Variants in UBE2O observed in about 807,000 individuals in gnomAD.
The protein encoded by UBE2O is (E3-independent) E2 ubiquitin-conjugating enzyme.
Under a neutral mutation model 125.8 loss-of-function variants are expected in UBE2O, and 15 were observed. That is an observed-to-expected ratio of 0.12 (90% CI 0.08 to 0.18). The LOEUF is 0.18. Among genes scored for constraint, UBE2O ranks in the 10% least tolerant of loss-of-function variants. The pLI, the probability that UBE2O is intolerant of heterozygous loss-of-function variation, is 1.00. For synonymous variants in UBE2O, 708 were observed against 703.2 expected, an observed-to-expected ratio of 1.01 and a Z score of -0.11; for missense variants, 1,280 against 1,723.6, an observed-to-expected ratio of 0.74 and a Z score of 4.56.
At position 76,398,407 on chromosome 17, in the gene UBE2O, T is replaced by A. The variant is rs765492413; in HGVS notation, c.1897-24A>T. On this transcript the variant is annotated intron_variant, in intron 11 of 17. Transcript: ENST00000319380. This position sits in a 1 kb window ranked among gnomAD's most constrained non-coding sequence, Gnocchi z 5.4. ...AGCTGTGGCACAGGACAGGTTGTCA[T>A]GAGCTAGGGGTCCTACACCCAACCC... 2.4e-5 allele frequency: 38 copies of A among 1,613,990 alleles called. No homozygotes were observed. Among genetic ancestry groups the A allele is most frequent in the Admixed American group, 3.3e-5 (2 of 59,998 alleles).
At position 76,405,017 on chromosome 17, in the gene UBE2O, C is replaced by T. The variant is rs890294825; in HGVS notation, c.588+189G>A. ...GTTGGGGAAGGGCACGTCCTGACCTCATGTCTAAATGGCTTACTTGAAAGC... is the reference window on the plus strand; with the variant it reads ...GTTGGGGAAGGGCACGTCCTGACCTTATGTCTAAATGGCTTACTTGAAAGC... On this transcript the variant is annotated intron_variant, in intron 3 of 17. Coordinates refer to ENST00000319380, the MANE Select transcript of UBE2O (RefSeq NM_022066.4). This position sits in a 1 kb window ranked among gnomAD's most constrained non-coding sequence, Gnocchi z 6.1. Among the ~76,000 whole-genome samples the T allele has an allele frequency of 3.9e-5, 6 of 152,158 alleles. No individual in the cohort carries two copies. The highest frequency in any genetic ancestry group is 1.4e-4 in the African/African-American group (6 of 41,438).
chr17:76,408,875 G>A (rs2072468652), intron 1 of UBE2O, among the ~76,000 whole-genome samples: 1 of 152,164 alleles, frequency 6.6e-6, no homozygotes. Context: ...TTACTAGGAG[G>A]GGATCTGGGG....
chr17:76,443,566 G>C (rs1199729416), intron 1 of UBE2O, among the ~76,000 whole-genome samples: 1 of 151,622 alleles, frequency 6.6e-6, no homozygotes, highest in African/African-American at 2.4e-5. Context: ...TGGGATTACA[G>C]GCGTGAGCCA....
chr17:76,435,167 T>C (rs772009310), intron 1 of UBE2O, among the ~76,000 whole-genome samples: 3 of 152,128 alleles, frequency 2.0e-5, no homozygotes, highest in Non-Finnish European at 4.4e-5. Flanking sequence ...AGATCCAGGT[T>C]TGTCTGAATC....
At position 76,396,650 on chromosome 17, in the gene UBE2O, G is replaced by A; in HGVS notation, c.2287C>T (p.Leu763=). Reference sequence around the variant, plus strand: ...TCCTCAGGGGCCACCGGCTGCTCCAGGGGTGGGATGGGGGGCTCCTCTATC... The same window carrying A: ...TCCTCAGGGGCCACCGGCTGCTCCAAGGGTGGGATGGGGGGCTCCTCTATC... The part of the protein sequence containing the change: ...PKIEEPPIPP[L]EQPVAPEDKG... Residue 763 remains leucine, a synonymous_variant, in exon 14 of 18, where the codon CTG becomes TTG. Coordinates refer to ENST00000319380, the MANE Select transcript of UBE2O (RefSeq NM_022066.4). This position sits in a 1 kb window ranked among gnomAD's most constrained non-coding sequence, Gnocchi z 6.7. 1 of 1,613,610 alleles carries A rather than the reference G, an allele frequency of 6.2e-7. No homozygotes were observed. The highest frequency in any genetic ancestry group is 1.1e-5 in the South Asian group (1 of 91,070).
At chr17:76,437,409 C>T (rs1243802556) in intron 1 of UBE2O, among the ~76,000 whole-genome samples, 3 of 144,258 alleles carry the variant, frequency 2.1e-5, no homozygotes, top group African/African-American at 5.2e-5. Flanking sequence ...AAGATCATGC[C>T]ACTGCACTCC....
intron 1 of UBE2O, among the ~76,000 whole-genome samples, chr17:76,432,968 C>T (rs930209956): frequency 6.6e-6 from 1 of 152,092 alleles, no homozygotes; most frequent in Non-Finnish European, 1.5e-5. Context: ...TGGAACCCAC[C>T]AACATTGCTG....
At position 76,405,468 on chromosome 17, in the gene UBE2O, T is replaced by C; in HGVS notation, c.477+45A>G. The C allele has an allele frequency of 6.4e-7, 1 of 1,573,486 alleles. No individual in the cohort carries two copies. The highest frequency in any genetic ancestry group is 1.2e-5 in the South Asian group (1 of 86,734). On this transcript the variant is annotated intron_variant, in intron 2 of 17. Transcript: ENST00000319380. This position sits in a 1 kb window ranked among gnomAD's most constrained non-coding sequence, Gnocchi z 6.1. ...GGTGGGCAGGCTCAAGTCCCTAAGG[T>C]GGCTGCCCCCAGGCCCGGGGCTGGG...
chr17:76,395,869 G>T lies in UBE2O; in HGVS notation c.2810-8C>A. On this transcript the variant is annotated splice_polypyrimidine_tract_variant and splice_region_variant and intron_variant, in intron 14 of 17. Transcript: ENST00000319380. This position sits in a 1 kb window ranked among gnomAD's most constrained non-coding sequence, Gnocchi z 5.0. ...TCTTAAAAGAATGATTTGCTAGAGG[G>T]GGGAAGAGAATAGTCAGTCCCTCAT... is the stretch of plus-strand genomic sequence containing the variant. 2.5e-6 allele frequency: 4 copies of T among 1,614,076 alleles called. No homozygotes were observed. Among genetic ancestry groups the T allele is most frequent in the African/African-American group, 2.7e-5 (2 of 75,042 alleles).
intron 1 of UBE2O, among the ~76,000 whole-genome samples, chr17:76,447,373 G>A (rs887232553): frequency 6.6e-5 from 10 of 152,222 alleles, no homozygotes; most frequent in Non-Finnish European, 1.2e-4. Flanking sequence ...TAGCACCACA[G>A]GGTTGTTGTG....
At position 76,405,432 on chromosome 17, in the gene UBE2O, G is replaced by A. The variant is rs1248428530; in HGVS notation, c.477+81C>T. 9.9e-6 allele frequency: 15 copies of A among 1,515,168 alleles called. No individual in the cohort carries two copies. The highest frequency in any genetic ancestry group is 1.4e-5 in the Non-Finnish European group (15 of 1,108,672). 93.9% of individuals were successfully genotyped at this position (1,515,168 alleles called of 1,614,324 possible). On this transcript the variant is annotated intron_variant, in intron 2 of 17. Transcript: ENST00000319380. The surrounding 1 kb of genome is among the most constrained non-coding windows in gnomAD (Gnocchi z 6.1). ...GCAGAGCTGGCCAGTTCTCCCACATGCAGAGTGCGAGGTGGGCAGGCTCAA... is the reference window on the plus strand; with the variant it reads ...GCAGAGCTGGCCAGTTCTCCCACATACAGAGTGCGAGGTGGGCAGGCTCAA...
intron 1 of UBE2O, among the ~76,000 whole-genome samples, chr17:76,450,626 T>C (rs2073225129): frequency 6.6e-6 from 1 of 152,018 alleles, no homozygotes; most frequent in Non-Finnish European, 1.5e-5. Context: ...TTGTTTTTTT[T>C]TTCTTTTCTT....
rs959821349 is a variant in UBE2O at position 76,449,865 on chromosome 17, A to G, written c.417+2860T>C. ...AACCCGGGAGGCAGAGGTTGCGGTG[A>G]GCCGAGCTGGCGCCATTGCACTCCA... On this transcript the variant is annotated intron_variant, in intron 1 of 17. Transcript: ENST00000319380. 3.9e-5 allele frequency among the ~76,000 whole-genome samples: 6 copies of G among 152,296 alleles called. No homozygotes were observed. The South Asian group carries it at 1.2e-3, about 32-fold the overall frequency.
At chr17:76,433,755 C>A (rs142843966) in intron 1 of UBE2O, among the ~76,000 whole-genome samples, 1 of 150,346 alleles carries the variant, frequency 6.7e-6, no homozygotes, top group African/African-American at 2.4e-5. Context: ...TCGGCCAGTG[C>A]GGTGGCCTGT....
In UBE2O at chr17:76,395,986, G is replaced by A; in HGVS notation, c.2810-125C>T. On this transcript the variant is annotated intron_variant, in intron 14 of 17. Coordinates refer to ENST00000319380, the MANE Select transcript of UBE2O (RefSeq NM_022066.4). This position sits in a 1 kb window ranked among gnomAD's most constrained non-coding sequence, Gnocchi z 5.0. ...TCGCCGCTGCTGGCCTCAGCACTGTGACCACACAGGGAAATGGTTTGCCCT... is the reference window on the plus strand; with the variant it reads ...TCGCCGCTGCTGGCCTCAGCACTGTAACCACACAGGGAAATGGTTTGCCCT... 6.6e-7 allele frequency: 1 copy of A among 1,511,356 alleles called. No individual in the cohort carries two copies. Among genetic ancestry groups the A allele is most frequent in the African/African-American group, 1.4e-5 (1 of 72,240 alleles). The allele number at this position is 1,511,356 out of a possible 1,614,324, so 93.6% of individuals were successfully genotyped here.
chr17:76,441,026 G>C (rs1219373683), intron 1 of UBE2O, among the ~76,000 whole-genome samples: 1 of 152,200 alleles, frequency 6.6e-6, no homozygotes, highest in Admixed American at 6.5e-5. Flanking sequence ...ACTGGCCTAA[G>C]TTTGAATTTG....
chr17:76,451,391 C>T (rs2073240016), intron 1 of UBE2O, among the ~76,000 whole-genome samples: 1 of 152,208 alleles, frequency 6.6e-6, no homozygotes, highest in Non-Finnish European at 1.5e-5. Context: ...GCCTGATTCA[C>T]ATTTCTCTGA....
Position 76,391,374 on chromosome 17 carries a change from C to T in UBE2O, c.3448G>A (p.Ala1150Thr), listed in dbSNP as rs34070229. The change falls in exon 18 of 18, where the codon GCC (alanine) becomes ACC (threonine). Residue 1150 changes from alanine (A) to threonine (T), a missense_variant. Coordinates refer to ENST00000319380, the MANE Select transcript of UBE2O (RefSeq NM_022066.4). This position sits in a 1 kb window ranked among gnomAD's most constrained non-coding sequence, Gnocchi z 8.4. ...NRIESWLETHALLEKAQALPN... is the reference protein window; with the variant it reads ...NRIESWLETHTLLEKAQALPN... ...AGTGCCTGGGCCTTCTCCAGCAGGGCATGGGTTTCCAGCCAGGACTCGATA... is the reference window on the plus strand; with the variant it reads ...AGTGCCTGGGCCTTCTCCAGCAGGGTATGGGTTTCCAGCCAGGACTCGATA... 0.012 allele frequency: 19,765 copies of T among 1,613,338 alleles called. 181 individuals are homozygous for T. The highest frequency in any genetic ancestry group is 0.019 in the Middle Eastern group (115 of 6,062).
At chr17:76,437,547 A>G (rs954668113) in intron 1 of UBE2O, among the ~76,000 whole-genome samples, 1 of 152,186 alleles carries the variant, frequency 6.6e-6, no homozygotes, top group African/African-American at 2.4e-5. Context: ...AATCCAAATA[A>G]AAGTGTATGG....
Sources: allele counts gnomAD v4.1 joint callset (sites outside exome capture counted in the v4.1 genomes callset), GRCh38; gene constraint gnomAD v4.1.1; non-coding constraint Gnocchi (gnomAD v3.1); transcripts MANE v1.5; gene names NCBI Gene and HGNC (gene_info 2026-07-23, HGNC 2026-07-21).